Variants in GDF1 observed in about 807,000 individuals in gnomAD.
The protein encoded by GDF1 is embryonic growth/differentiation factor 1.
A neutral mutation model predicts 7.4 loss-of-function variants in GDF1; 8 were observed. The observed-to-expected ratio is 1.09, with a 90% confidence interval of 0.64 to 1.96. GDF1 has a LOEUF of 1.96. Ranked by LOEUF, GDF1 falls within the 30% of genes most tolerant of loss-of-function variation. GDF1 has a pLI of 0.00. For synonymous variants in GDF1, 311 were observed against 276.7 expected, an observed-to-expected ratio of 1.12 and a Z score of -1.23; for missense variants, 574 against 551.5, an observed-to-expected ratio of 1.04 and a Z score of -0.41.
chr19:18,873,310 G>T (rs973070840), intron 6 of GDF1, among the ~76,000 whole-genome samples: 1 of 152,068 alleles, frequency 6.6e-6, no homozygotes, highest in Non-Finnish European at 1.5e-5. Context: ...TGTAGGAGTC[G>T]GTGTGGATTA....
intron 2 of GDF1, among the ~76,000 whole-genome samples, chr19:18,890,504 G>A (rs74253301): frequency 2.6e-5 from 4 of 152,162 alleles, no homozygotes; most frequent in South Asian, 4.1e-4. Flanking sequence ...AAGGCTGGAC[G>A]AGGTGGCTCA....
At chr19:18,876,702 A>G (rs2056066861) in intron 6 of GDF1, among the ~76,000 whole-genome samples, 1 of 152,082 alleles carries the variant, frequency 6.6e-6, no homozygotes, top group African/African-American at 2.4e-5. Context: ...TTTATTTTAG[A>G]TTAATTTTAG....
intron 3 of GDF1, among the ~76,000 whole-genome samples, 199 bp downstream of exon 3, chr19:18,883,887 CG>C (rs2056278852): frequency 6.6e-6 from 1 of 152,188 alleles, no homozygotes; most frequent in African/African-American, 2.4e-5. Flanking sequence ...CAGGAATCTC[CG>C]GGCCCACATC....
Position 18,870,780 on chromosome 19 carries a change from C to T in GDF1, c.-312-161G>A, listed in dbSNP as rs1349025232. ...TCCTCCTCGCCTTCACCCTGCCCCT[C>T]CTTGCCTTCACCCTGCCCCTCCTTC... On this transcript the variant is annotated intron_variant, in intron 6 of 7. Coordinates refer to ENST00000247005, the MANE Select transcript of GDF1 (RefSeq NM_001492.6). The surrounding 1 kb of genome is among the most constrained non-coding windows in gnomAD (Gnocchi z 5.1). Among the ~76,000 whole-genome samples the T allele has an allele frequency of 6.6e-6, 1 of 152,066 alleles. No individual in the cohort carries two copies. The highest frequency in any genetic ancestry group is 1.5e-5 in the Non-Finnish European group (1 of 67,964).
Position 18,870,412 on chromosome 19 carries a change from G to T in GDF1, c.-105C>A. 2 of 1,288,446 alleles carry T rather than the reference G, an allele frequency of 1.6e-6. No individual in the cohort carries two copies. The highest frequency in any genetic ancestry group is 2.2e-6 in the Non-Finnish European group (2 of 928,776). The allele number at this position is 1,288,446 out of a possible 1,614,324, so 79.8% of individuals were successfully genotyped here. A position where few individuals can be genotyped will look rare whatever the true frequency, so the allele number is the denominator to read the frequency against. On this transcript the variant is annotated 5_prime_UTR_variant, in exon 7 of 8. Transcript: ENST00000247005. The surrounding 1 kb of genome is among the most constrained non-coding windows in gnomAD (Gnocchi z 5.1). ...CCCCGGAGGGGCAGGGGTCCTGGGG[G>T]GCGTGGCCGGGAACTGGAGGCAGGA...
At position 18,870,260 on chromosome 19, in the gene GDF1, G is replaced by A. The variant is rs1358249299; in HGVS notation, c.48C>T (p.Leu16=). The A allele has an allele frequency of 3.9e-6, 6 of 1,524,736 alleles. No homozygotes were observed. The South Asian group carries it at 6.0e-5, about 15-fold the overall frequency. The allele number at this position is 1,524,736 out of a possible 1,614,324, so 94.5% of individuals were successfully genotyped here. ...GCAGCGAGGGCAGCAGCAGGGCCAGGAGGAGGAGGAGGTGGTGGCCGCAGG... is the reference window on the plus strand; with the variant it reads ...GCAGCGAGGGCAGCAGCAGGGCCAGAAGGAGGAGGAGGTGGTGGCCGCAGG... ...QGPCGHHLLL[L]LALLLPSLPL... is the part of the protein sequence containing the mutation. The change falls in exon 7 of 8, where the codon CTC becomes CTT. Residue 16 remains leucine, a synonymous_variant. Coordinates refer to ENST00000247005, the MANE Select transcript of GDF1 (RefSeq NM_001492.6). The surrounding 1 kb of genome is among the most constrained non-coding windows in gnomAD (Gnocchi z 5.1).
Position 18,870,440 on chromosome 19 carries a change from A to T in GDF1, c.-133T>A. The T allele has an allele frequency of 9.7e-5, 45 of 464,522 alleles. No homozygotes were observed. Among genetic ancestry groups the T allele is most frequent in the Non-Finnish European group, 1.3e-4 (40 of 309,790 alleles). The allele number at this position is 464,522 out of a possible 1,614,324, so 28.8% of individuals were successfully genotyped here. A position where few individuals can be genotyped will look rare whatever the true frequency, so the allele number is the denominator to read the frequency against. ...GTGGCCGGGAACTGGAGGCAGGATG[A>T]GGGGGCGGGGTCCCAGGGGAGGTGG... On this transcript the variant is annotated 5_prime_UTR_variant, in exon 7 of 8. Transcript: ENST00000247005. This position sits in a 1 kb window ranked among gnomAD's most constrained non-coding sequence, Gnocchi z 5.1.
In GDF1 at chr19:18,895,813, G is replaced by A; in HGVS notation, c.-1074+11C>T. 8.0e-7 allele frequency: 1 copy of A among 1,248,330 alleles called. No individual in the cohort carries two copies. The highest frequency in any genetic ancestry group is 1.0e-6 in the Non-Finnish European group (1 of 990,710). The allele number at this position is 1,248,330 out of a possible 1,614,324, so 77.3% of individuals were successfully genotyped here. A position where few individuals can be genotyped will look rare whatever the true frequency, so the allele number is the denominator to read the frequency against. On this transcript the variant is annotated intron_variant, in intron 1 of 7. Transcript: ENST00000247005. This position sits in a 1 kb window ranked among gnomAD's most constrained non-coding sequence, Gnocchi z 6.4. ...CGGGGTCCCCTCGTCCCGGCCCCCG[G>A]CCACACTGACCCGAAAGAGGCGCGC...
At chr19:18,891,722 C>T (rs926534801) in intron 2 of GDF1, among the ~76,000 whole-genome samples, 3 of 151,688 alleles carry the variant, frequency 2.0e-5, no homozygotes, top group Admixed American at 1.3e-4. Context: ...GTACTACAGA[C>T]GTGCCCCACC....
chr19:18,869,886 C>A lies in GDF1; in HGVS notation c.325+97G>T, dbSNP rs1249070047. ...GTAGCCTGGACAGGGCGGGTGGGGACCCTCGGAGCTGCTCGGGCATCCCCG... is the reference window on the plus strand; with the variant it reads ...GTAGCCTGGACAGGGCGGGTGGGGAACCTCGGAGCTGCTCGGGCATCCCCG... On this transcript the variant is annotated intron_variant, in intron 7 of 7. Transcript: ENST00000247005. The A allele has an allele frequency of 4.9e-6, 6 of 1,225,530 alleles. No homozygotes were observed. In the African/African-American group the frequency reaches 7.5e-5, roughly 15 times the overall value. The allele number at this position is 1,225,530 out of a possible 1,614,324, so 75.9% of individuals were successfully genotyped here.
Position 18,870,485 on chromosome 19 carries a change from G to C in GDF1, c.-178C>G. ...AGGTGGCGGCGGCCCTAGAGGAGCA[G>C]AGTTGGAGGGGGTGGAGGGGCGGCC... is the stretch of plus-strand genomic sequence containing the variant. On this transcript the variant is annotated 5_prime_UTR_variant, in exon 7 of 8. Coordinates refer to ENST00000247005, the MANE Select transcript of GDF1 (RefSeq NM_001492.6). The surrounding 1 kb of genome is among the most constrained non-coding windows in gnomAD (Gnocchi z 5.1). 1 of 544,474 alleles carries C rather than the reference G, an allele frequency of 1.8e-6. No homozygotes were observed. Among genetic ancestry groups the C allele is most frequent in the Non-Finnish European group, 3.3e-6 (1 of 307,342 alleles). The allele number at this position is 544,474 out of a possible 1,614,324, so 33.7% of individuals were successfully genotyped here.
chr19:18,893,712 C>G (rs1387894638), intron 1 of GDF1, 137 bp from the exon 2 acceptor site: 2 of 866,294 alleles, frequency 2.3e-6, no homozygotes, highest in African/African-American at 3.4e-5. Flanking sequence ...CCCACAGCCA[C>G]CTGGAGCATA....
chr19:18,887,413 C>T (rs2056388025), intron 2 of GDF1, among the ~76,000 whole-genome samples: 1 of 152,072 alleles, frequency 6.6e-6, no homozygotes, highest in South Asian at 2.1e-4. Flanking sequence ...TGATAATGTT[C>T]CAGACCTAGA....
At chr19:18,877,250 C>T (rs998527272) in intron 6 of GDF1, among the ~76,000 whole-genome samples, 12 of 152,148 alleles carry the variant, frequency 7.9e-5, no homozygotes, top group African/African-American at 2.4e-4. Context: ...ACATCCTCAG[C>T]GGGGACAGAG....
At chr19:18,872,697 G>GTATATT (rs374639707) in intron 6 of GDF1, among the ~76,000 whole-genome samples, 69,526 of 151,790 alleles carry the variant, frequency 0.46, 16,135 homozygotes, top group South Asian at 0.6. Context: ...TGTATTTTTA[G>GTATATT]TAGAGATGCG....
At chr19:18,869,431 C>G in intron 7 of GDF1, 41 bp from the exon 8 acceptor site, 1 of 1,520,044 alleles carries the variant, frequency 6.6e-7, no homozygotes, top group Non-Finnish European at 8.8e-7. Context: ...CGCTGCGTCC[C>G]CGGCCTGCCC....
In GDF1 at chr19:18,878,646, A is replaced by T. The variant is rs4808164; in HGVS notation, c.-313+284T>A. On this transcript the variant is annotated intron_variant, in intron 6 of 7. Coordinates refer to ENST00000247005, the MANE Select transcript of GDF1 (RefSeq NM_001492.6). The surrounding 1 kb of genome is among the most constrained non-coding windows in gnomAD (Gnocchi z 4.6). The stretch of plus-strand genomic sequence containing the variant: ...GGCCCTGGCTCGCCACTCCCGCCAC[A>T]CCAGCCACTAGGCCTGGCCCTCAGT... 1 of 1,226,544 alleles carries T rather than the reference A, an allele frequency of 8.2e-7. No homozygotes were observed. Among genetic ancestry groups the T allele is most frequent in the Non-Finnish European group, 1.0e-6 (1 of 973,650 alleles). 76.0% of individuals were successfully genotyped at this position (1,226,544 alleles called of 1,614,324 possible).
At chr19:18,894,330 G>A (rs897034333) in intron 1 of GDF1, among the ~76,000 whole-genome samples, 4 of 152,092 alleles carry the variant, frequency 2.6e-5, no homozygotes, top group African/African-American at 9.7e-5. Context: ...CTTCCCAGAG[G>A]CTGAGGGGGC....
At chr19:18,893,338 A>G (rs1020876579) in intron 2 of GDF1, 78 bp downstream of exon 2, 9 of 1,467,170 alleles carry the variant, frequency 6.1e-6, no homozygotes, top group African/African-American at 5.6e-5. Context: ...CTTCTGCCTC[A>G]TGAGTAGCTG....
Sources: gnomAD v4.1 joint callset for allele counts (sites outside exome capture counted in the v4.1 genomes callset) on GRCh38, gnomAD v4.1.1 for gene constraint, Gnocchi (gnomAD v3.1) non-coding constraint, MANE v1.5 for transcripts, NCBI Gene and HGNC (gene_info 2026-07-23, HGNC 2026-07-21) for gene names.